BRF2: variants seen among roughly 807,000 people sequenced by gnomAD.
The protein encoded by BRF2 is BRF2 general transcription factor IIIB subunit.
In BRF2, 17 loss-of-function variants were observed where a neutral mutation model predicts 26.6. The observed-to-expected ratio is 0.64, with a 90% confidence interval of 0.44 to 0.96. BRF2 has a LOEUF of 0.96. Among genes scored for constraint, BRF2 ranks in the 40% least tolerant of loss-of-function variants. The pLI is 0.00. For missense variants in BRF2, 515 were observed against 537.0 expected (o/e 0.96, Z 0.40); for synonymous variants, 219 against 226.6 (o/e 0.97, Z 0.30).
At position 37,849,772 on chromosome 8, in the gene BRF2, T is replaced by A. The variant is rs747323454; in HGVS notation, c.12A>T (p.Arg4Ser). Residue 4 changes from arginine to serine, a missense_variant, in exon 1 of 4, where the codon AGA (arginine) becomes AGT (serine). Transcript: ENST00000220659. MPG[R>S]GRCPDCGSTE... ...TGGAGCCGCAGTCCGGGCAGCGGCC[T>A]CTGCCTGGCATCTCACAACCGGCCC... The A allele has an allele frequency of 3.7e-6, 6 of 1,609,910 alleles. No homozygotes were observed. In the East Asian group the frequency reaches 1.3e-4, roughly 36 times the overall value.
Position 37,847,149 on chromosome 8 carries a change from G to A in BRF2, c.241C>T (p.Arg81Ter), listed in dbSNP as rs145660782. ...RGLRRVRDLC[R>*]VLQLPPTFED... ...AATGTTGGTGGCAACTGCAGAACTC[G>A]ACAAAGGTCTCTCACTCGCCGGAGA... Residue 81 changes from arginine to a stop codon, truncating the protein, a stop_gained, in exon 3 of 4, where the codon CGA becomes TGA. Transcript: ENST00000220659. LOFTEE classifies it high-confidence loss of function. The A allele has an allele frequency of 1.5e-5, 25 of 1,613,822 alleles. No individual in the cohort carries two copies. Among genetic ancestry groups the A allele is most frequent in the Non-Finnish European group, 1.7e-5 (20 of 1,179,838 alleles).
At chr8:37,846,455 T>TA (rs1335482412) in intron 3 of BRF2, among the ~76,000 whole-genome samples, 1 of 151,814 alleles carries the variant, frequency 6.6e-6, no homozygotes, top group Admixed American at 6.6e-5. Context: ...TGGGCTTTGG[T>TA]AAAAAAGAGA....
chr8:37,845,140 T>C lies in BRF2; in HGVS notation c.610A>G (p.Thr204Ala). 6.2e-7 allele frequency: 1 copy of C among 1,613,652 alleles called. No individual in the cohort carries two copies. Among genetic ancestry groups the C allele is most frequent in the Non-Finnish European group, 8.5e-7 (1 of 1,179,904 alleles). The change falls in exon 4 of 4, where the codon ACA (threonine) becomes GCA (alanine). Residue 204 changes from threonine to alanine, a missense_variant. Physicochemically the swap from Thr to Ala is moderately conservative, Grantham distance 58 (BLOSUM62 0). Coordinates refer to ENST00000220659, the MANE Select transcript of BRF2 (RefSeq NM_018310.4). The part of the protein sequence containing the change: ...VEDKEKMLSR[T>A]MQLVELANET... ...TTTGCCAGCTCCACCAACTGCATTGTTCGAGACAGCATCTTCTCTTTGTCT... is the reference window on the plus strand; with the variant it reads ...TTTGCCAGCTCCACCAACTGCATTGCTCGAGACAGCATCTTCTCTTTGTCT...
At chr8:37,848,770 C>A in intron 1 of BRF2, 115 bp from the exon 2 acceptor site, 1 of 799,310 alleles carries the variant, frequency 1.3e-6, no homozygotes, top group Non-Finnish European at 2.2e-6. Flanking sequence ...TGCTGCTGCA[C>A]AGTTAAAGGC....
chr8:37,847,928 TTTA>T lies in BRF2; in HGVS notation c.214+665_214+667del, dbSNP rs201041026. ...GGCTAGGCCACCAGGATAGTTTTCT[TTTA>T]TTATTATTATTATTATTATTATTAT... On this transcript the variant is annotated intron_variant, in intron 2 of 3. Coordinates refer to ENST00000220659, the MANE Select transcript of BRF2 (RefSeq NM_018310.4). Among the ~76,000 whole-genome samples, 177 of 83,986 alleles carry T rather than the reference TTTA, an allele frequency of 2.1e-3. 1 individual carries two copies. The highest frequency in any genetic ancestry group is 6.7e-3 in the Middle Eastern group (1 of 150). The allele number at this position is 83,986 out of a possible 152,430, so 55.1% of individuals were successfully genotyped here.
Position 37,844,508 on chromosome 8 carries a change from A to G in BRF2, c.1242T>C (p.Ser414=), listed in dbSNP as rs747705104. 6.2e-7 allele frequency: 1 copy of G among 1,613,104 alleles called. No individual in the cohort carries two copies. The change falls in exon 4 of 4, where the codon AGT becomes AGC. Residue 414 remains serine (S), a synonymous_variant. Transcript: ENST00000220659. ...ATATCCATCAGGGAGGGTTAGGGAC[A>G]CTCGTGGCAGCCTGTCTAGCAGCCT... ...RAQAARQAAT[S]VPNPP
Position 37,844,271 on chromosome 8 carries a change from T to C in BRF2, c.*219A>G. ...CAGAACATGGACATAGGCAACTTGC[T>C]CTCCCACACCAAGGGATGGGAATCT... On this transcript the variant is annotated 3_prime_UTR_variant, in exon 4 of 4. Coordinates refer to ENST00000220659, the MANE Select transcript of BRF2 (RefSeq NM_018310.4). 1.7e-6 allele frequency: 1 copy of C among 578,770 alleles called. No individual in the cohort carries two copies. Among genetic ancestry groups the C allele is most frequent in the Non-Finnish European group, 3.1e-6 (1 of 324,136 alleles). 35.9% of individuals were successfully genotyped at this position (578,770 alleles called of 1,614,324 possible).
chr8:37,847,954 TA>T (rs1341271963), intron 2 of BRF2, among the ~76,000 whole-genome samples: 10 of 149,926 alleles, frequency 6.7e-5, no homozygotes, highest in African/African-American at 2.4e-4. Flanking sequence ...TTATTATTAT[TA>T]TTATTATTTT....
At chr8:37,849,557 G>T in intron 1 of BRF2, 73 bp downstream of exon 1, 7 of 1,233,886 alleles carry the variant, frequency 5.7e-6, no homozygotes, top group Non-Finnish European at 8.2e-6. Flanking sequence ...GGAGTATGGG[G>T]GGAGCGGGGA....
In BRF2 at chr8:37,845,025, C is replaced by T. The variant is rs1805927283; in HGVS notation, c.725G>A (p.Arg242Gln). 2 of 1,613,872 alleles carry T rather than the reference C, an allele frequency of 1.2e-6. No individual in the cohort carries two copies. Among genetic ancestry groups the T allele is most frequent in the Non-Finnish European group, 1.7e-6 (2 of 1,180,016 alleles). ...AAATCGGGCAAGGGAACATGAAAGC[C>T]GATCTGCAGGCTGCAGCGACTGCCA... ...LAWQSLQPAD[R>Q]LSCSLARFCK... Residue 242 changes from arginine (R) to glutamine (Q), a missense_variant, in exon 4 of 4, where the codon CGG becomes CAG. Arg to Gln is a conservative substitution (Grantham distance 43). Transcript: ENST00000220659.
chr8:37,849,383 G>C (rs780369763), intron 1 of BRF2, among the ~76,000 whole-genome samples: 1 of 152,212 alleles, frequency 6.6e-6, no homozygotes, highest in South Asian at 2.1e-4. Flanking sequence ...AAGATGAGTG[G>C]AACTTTTGTT....
At position 37,844,515 on chromosome 8, in the gene BRF2, G is replaced by A. The variant is rs771341957; in HGVS notation, c.1235C>T (p.Ala412Val). 3.7e-6 allele frequency: 6 copies of A among 1,613,344 alleles called. No homozygotes were observed. The highest frequency in any genetic ancestry group is 4.2e-6 in the Non-Finnish European group (5 of 1,180,000). The stretch of plus-strand genomic sequence containing the variant: ...TCAGGGAGGGTTAGGGACACTCGTG[G>A]CAGCCTGTCTAGCAGCCTGGGCTCT... ...FQRAQAARQA[A>V]TSVPNPP is the part of the protein sequence containing the mutation. The change falls in exon 4 of 4, where the codon GCC (alanine) becomes GTC (valine). Residue 412 changes from alanine (A) to valine (V), a missense_variant. Physicochemically the swap from Ala to Val is moderately conservative, Grantham distance 64 (BLOSUM62 0). Transcript: ENST00000220659.
At chr8:37,846,829 C>G in intron 3 of BRF2, 25 bp downstream of exon 3, 2 of 1,564,116 alleles carry the variant, frequency 1.3e-6, no homozygotes, top group South Asian at 2.2e-5. Context: ...CCATCCCATC[C>G]TACTGTCTCC....
At chr8:37,848,250 CATT>C (rs889909124) in intron 2 of BRF2, among the ~76,000 whole-genome samples, 3 of 141,216 alleles carry the variant, frequency 2.1e-5, no homozygotes, top group East Asian at 2.2e-4. Context: ...GCGCCCGGCT[CATT>C]ATTATTTTTT....
intron 2 of BRF2, among the ~76,000 whole-genome samples, chr8:37,848,291 G>C (rs1806001647): frequency 1.3e-5 from 2 of 150,582 alleles, no homozygotes; most frequent in Non-Finnish European, 2.9e-5. Flanking sequence ...CTGTCACCCA[G>C]GCTGGAGTGC....
At chr8:37,846,721 C>T (rs942962696) in intron 3 of BRF2, 133 bp downstream of exon 3, 23 of 693,892 alleles carry the variant, frequency 3.3e-5, no homozygotes, top group Non-Finnish European at 4.5e-5. Context: ...GAGCTGAGAT[C>T]GTGCCACTGC....
In BRF2 at chr8:37,843,953, T is replaced by C. The variant is rs945792478; in HGVS notation, c.*537A>G. The C allele has an allele frequency of 2.0e-5, 3 of 153,324 alleles. No individual in the cohort carries two copies. In the South Asian group the frequency reaches 6.2e-4, roughly 31 times the overall value. The allele number at this position is 153,324 out of a possible 1,614,324, so 9.5% of individuals were successfully genotyped here. A position where few individuals can be genotyped will look rare whatever the true frequency, so the allele number is the denominator to read the frequency against. ...GCCTCTTGTTTTAATATATTAAAATTTTGCAAAGCCCTTTGAGCTACTGCC... is the reference window on the plus strand; with the variant it reads ...GCCTCTTGTTTTAATATATTAAAATCTTGCAAAGCCCTTTGAGCTACTGCC... On this transcript the variant is annotated 3_prime_UTR_variant, in exon 4 of 4. Transcript: ENST00000220659.
In BRF2 at chr8:37,844,728, T is replaced by A. The variant is rs774175187; in HGVS notation, c.1022A>T (p.Asn341Ile). The A allele has an allele frequency of 6.2e-7, 1 of 1,613,984 alleles. No homozygotes were observed. The highest frequency in any genetic ancestry group is 1.1e-5 in the South Asian group (1 of 91,076). The part of the protein sequence containing the change: ...QGQGEGEVGN[N>I]SLGLPQGKRP... ...CTTCCCCTGGGGTAAACCTAAGGAA[T>A]TATTTCCCACCTCCCCTTCTCCTTG... Residue 341 changes from asparagine (N) to isoleucine (I), a missense_variant, in exon 4 of 4, where the codon AAT (asparagine) becomes ATT (isoleucine). Physicochemically the swap from Asn to Ile is moderately radical, Grantham distance 149. Transcript: ENST00000220659.
At position 37,848,690 on chromosome 8, in the gene BRF2, C is replaced by G. The variant is rs1407055194; in HGVS notation, c.155-35G>C. ...AATAAACAACAAATAGTGTGCTTAGCCTTTATTCATCAGACCCCTGCCCTC... is the reference window on the plus strand; with the variant it reads ...AATAAACAACAAATAGTGTGCTTAGGCTTTATTCATCAGACCCCTGCCCTC... On this transcript the variant is annotated intron_variant, in intron 1 of 3. Transcript: ENST00000220659. The G allele has an allele frequency of 5.7e-6, 9 of 1,573,466 alleles. No individual in the cohort carries two copies. The East Asian group carries it at 1.8e-4, about 31-fold the overall frequency.
Sources: gnomAD v4.1 joint callset for allele counts (sites outside exome capture counted in the v4.1 genomes callset) on GRCh38, gnomAD v4.1.1 for gene constraint, MANE v1.5 for transcripts, NCBI Gene and HGNC (gene_info 2026-07-23, HGNC 2026-07-21) for gene names.